Variants in CTNNA3 observed in about 807,000 individuals in gnomAD.
CTNNA3 encodes the protein catenin alpha 3, also known as catenin alpha-3.
In CTNNA3, 76 loss-of-function variants were observed where a neutral mutation model predicts 95.7. That is an observed-to-expected ratio of 0.79 (90% CI 0.66 to 0.96). CTNNA3 has a LOEUF of 0.96. CTNNA3 is among the 40% of genes least tolerant of loss of function. The pLI, the probability that CTNNA3 is intolerant of heterozygous loss-of-function variation, is 0.00. For synonymous variants in CTNNA3, 431 were observed against 374.4 expected, an observed-to-expected ratio of 1.15 and a Z score of -1.74; for missense variants, 1,191 against 1,089.8, an observed-to-expected ratio of 1.09 and a Z score of -1.31.
rs60704302 is a variant in CTNNA3, at chr10:66,804,841, A to G, written c.1048-29317T>C. Among the ~76,000 whole-genome samples, 1,281 of 152,190 alleles carry G rather than the reference A, an allele frequency of 8.4e-3. 17 individuals are homozygous for G. The highest frequency in any genetic ancestry group is 0.029 in the African/African-American group (1,204 of 41,538). ...GTGAGGCTCCTTTTCTTATAAAGGC[A>G]TGTTTGCAAGGCTGGCCCTTGACTG... On this transcript the variant is annotated intron_variant, in intron 7 of 17. Coordinates refer to ENST00000433211, the MANE Select transcript of CTNNA3 (RefSeq NM_013266.4).
chr10:67,249,985 C>A (rs1290848832), intron 5 of CTNNA3, among the ~76,000 whole-genome samples: 1 of 152,298 alleles, frequency 6.6e-6, no homozygotes, highest in Non-Finnish European at 1.5e-5. Context: ...ATTGGAGGAC[C>A]TGCTGTACTT....
At position 65,920,461 on chromosome 10, in the gene CTNNA3, G is replaced by T. The variant is rs557828885; in HGVS notation, c.2557C>A (p.Pro853Thr). Residue 853 changes from proline to threonine, a missense_variant, in exon 18 of 18, where the codon CCT becomes ACT. By Grantham distance (38) the Pro-to-Thr change is conservative. Transcript: ENST00000433211. ...HPVVMWRMKA[P>T]AKKPLIKREK... ...CTTTTAATCAAGGGTTTTTTTGCAG[G>T]AGCCTTCATTCTCCACATCACAACT... is the stretch of plus-strand genomic sequence containing the variant. The T allele has an allele frequency of 5.6e-6, 9 of 1,614,000 alleles. No individual in the cohort carries two copies. The African/African-American group carries it at 1.1e-4, about 19-fold the overall frequency.
intron 10 of CTNNA3, among the ~76,000 whole-genome samples, chr10:66,574,622 GT>G (rs530319860): frequency 2.2e-4 from 33 of 151,182 alleles, no homozygotes; most frequent in South Asian, 4.2e-4. Context: ...AACAAAGGTT[GT>G]TTTTTTTTCC....
At chr10:66,926,513 A>C in intron 7 of CTNNA3, 1 of 1,580,722 alleles carries the variant, frequency 6.3e-7, no homozygotes, top group Non-Finnish European at 8.7e-7. Flanking sequence ...TGCAGCTGAC[A>C]GGGGCTGTCA....
chr10:67,358,914 G>T (rs916868871), intron 5 of CTNNA3, among the ~76,000 whole-genome samples: 1 of 151,978 alleles, frequency 6.6e-6, no homozygotes, highest in African/African-American at 2.4e-5. Context: ...CCACCCCCTC[G>T]TCTTCTCCTC....
chr10:67,010,116 C>G (rs1221799249), intron 7 of CTNNA3, among the ~76,000 whole-genome samples: 1 of 152,114 alleles, frequency 6.6e-6, no homozygotes, highest in East Asian at 1.9e-4. Context: ...ATTTATCATA[C>G]TCTAACTAGT....
At chr10:67,146,052 G>T (rs1860827831) in intron 7 of CTNNA3, among the ~76,000 whole-genome samples, 1 of 151,902 alleles carries the variant, frequency 6.6e-6, no homozygotes, top group African/African-American at 2.4e-5. Flanking sequence ...ATCTTCTATG[G>T]ATCCATGTAC....
At chr10:67,477,511 TAAAACCTGCATAGCCCAATAC>T (rs1345551939) in intron 5 of CTNNA3, among the ~76,000 whole-genome samples, 1 of 151,816 alleles carries the variant, frequency 6.6e-6, no homozygotes. Flanking sequence ...CAGCCCAATA[TAAAACCTGCATAGCCCAATAC>T]AAAACCTGCC....
At chr10:66,909,942 A>C (rs1846151421) in intron 7 of CTNNA3, among the ~76,000 whole-genome samples, 1 of 152,210 alleles carries the variant, frequency 6.6e-6, no homozygotes, top group Non-Finnish European at 1.5e-5. Flanking sequence ...ATGAAACACC[A>C]CAATCCCTGA....
chr10:66,180,927 C>A (rs2131856024), intron 13 of CTNNA3, among the ~76,000 whole-genome samples: 1 of 151,964 alleles, frequency 6.6e-6, no homozygotes, highest in Middle Eastern at 3.4e-3. Flanking sequence ...CATCTAGTGG[C>A]CACTTACATA....
chr10:67,115,826 G>T (rs1239345974), intron 7 of CTNNA3, among the ~76,000 whole-genome samples: 1 of 151,744 alleles, frequency 6.6e-6, no homozygotes, highest in Non-Finnish European at 1.5e-5. Flanking sequence ...CTGATCTTTA[G>T]TTGTTTTGTA....
At chr10:67,098,268 G>C (rs560133600) in intron 7 of CTNNA3, 1 of 154,460 alleles carries the variant, frequency 6.5e-6, no homozygotes, top group South Asian at 2.0e-4. Context: ...TGTAAGGACT[G>C]TTTTGTTACT....
At chr10:66,628,374 A>G (rs1300007681) in intron 9 of CTNNA3, among the ~76,000 whole-genome samples, 2 of 152,110 alleles carry the variant, frequency 1.3e-5, no homozygotes, top group Non-Finnish European at 2.9e-5. Context: ...ATGAATATAA[A>G]GGTAAGAATT....
intron 7 of CTNNA3, among the ~76,000 whole-genome samples, chr10:66,885,071 A>G (rs1383267766): frequency 6.6e-6 from 1 of 152,150 alleles, no homozygotes; most frequent in Non-Finnish European, 1.5e-5. Context: ...TGCATCATCC[A>G]AAGTCAAGTA....
intron 15 of CTNNA3, among the ~76,000 whole-genome samples, chr10:66,054,038 G>A (rs1021162565): frequency 6.6e-6 from 1 of 152,082 alleles, no homozygotes; most frequent in Non-Finnish European, 1.5e-5. Context: ...TTCTATCCAT[G>A]TTGTTGCAAA....
At chr10:67,338,774 A>C (rs1289975388) in intron 5 of CTNNA3, among the ~76,000 whole-genome samples, 1 of 152,204 alleles carries the variant, frequency 6.6e-6, no homozygotes, top group East Asian at 1.9e-4. Flanking sequence ...ATGAGGTAAA[A>C]GACATTTCTG....
chr10:66,188,738 GA>G (rs2086481857), intron 13 of CTNNA3, among the ~76,000 whole-genome samples: 2 of 151,818 alleles, frequency 1.3e-5, no homozygotes, highest in African/African-American at 4.8e-5. Context: ...GTATCATTAT[GA>G]AGTAATGACT....
chr10:66,964,896 T>TA (rs919496771), intron 7 of CTNNA3, among the ~76,000 whole-genome samples: 5 of 152,196 alleles, frequency 3.3e-5, no homozygotes, highest in African/African-American at 1.2e-4. Context: ...CTGACTAATG[T>TA]AAAAAACCTG....
At chr10:66,197,627 A>G (rs532907723) in intron 13 of CTNNA3, among the ~76,000 whole-genome samples, 64 of 152,358 alleles carry the variant, frequency 4.2e-4, no homozygotes, top group African/African-American at 1.1e-3. Flanking sequence ...ACAAGATATC[A>G]GATTTCTGTC....
Sources: gnomAD v4.1 joint callset for allele counts (sites outside exome capture counted in the v4.1 genomes callset) on GRCh38, gnomAD v4.1.1 for gene constraint, MANE v1.5 for transcripts, NCBI Gene and HGNC (gene_info 2026-07-23, HGNC 2026-07-21) for gene names.